Variants in TNPO3 observed in about 807,000 individuals in gnomAD.
The protein encoded by TNPO3 is transportin 3.
TNPO3 carries 65 observed loss-of-function variants against 122.8 expected under a neutral mutation model. That is an observed-to-expected ratio of 0.53 (90% CI 0.43 to 0.65). The LOEUF (loss-of-function observed/expected upper bound fraction) is 0.65, where lower values mean the gene tolerates loss of function less well. TNPO3 is among the 30% of genes least tolerant of loss of function. The pLI, the probability that TNPO3 is intolerant of heterozygous loss-of-function variation, is 0.00. For missense variants in TNPO3, 850 were observed against 1,136.7 expected (o/e 0.75, Z 3.63); for synonymous variants, 372 against 411.2 (o/e 0.90, Z 1.15).
Position 128,979,139 on chromosome 7 carries a change from AAG to A in TNPO3, c.1921-18_1921-17del. ...CTGGCCATATCTGGGTCAAAAGTAA[AAG>A]AGCACAAGAAAGAAAATAATCAACA... is the stretch of plus-strand genomic sequence containing the variant. On this transcript the variant is annotated splice_polypyrimidine_tract_variant and intron_variant, in intron 15 of 22. Coordinates refer to ENST00000265388, the MANE Select transcript of TNPO3 (RefSeq NM_012470.4). 6.2e-7 allele frequency: 1 copy of A among 1,613,178 alleles called. No homozygotes were observed. The highest frequency in any genetic ancestry group is 1.3e-5 in the African/African-American group (1 of 74,998).
intron 1 of TNPO3, among the ~76,000 whole-genome samples, chr7:129,053,633 G>A (rs554634189): frequency 6.6e-6 from 1 of 151,984 alleles, no homozygotes; most frequent in South Asian, 2.1e-4. Flanking sequence ...TTAAGTATCA[G>A]TTATGAGTTA....
intron 12 of TNPO3, among the ~76,000 whole-genome samples, chr7:128,984,710 T>A (rs1799969141): frequency 6.6e-6 from 1 of 152,210 alleles, no homozygotes; most frequent in South Asian, 2.1e-4. Flanking sequence ...GATTTCACTC[T>A]TACACCATAA....
chr7:129,005,782 CT>C lies in TNPO3; in HGVS notation c.553-624del, dbSNP rs1186834521. Among the ~76,000 whole-genome samples the C allele has an allele frequency of 9.9e-3, 1,304 of 132,234 alleles. 10 individuals are homozygous for C. Among genetic ancestry groups the C allele is most frequent in the African/African-American group, 0.031 (1,146 of 36,464 alleles). 86.8% of individuals were successfully genotyped at this position (132,234 alleles called of 152,430 possible). ...CAGTTTCAGGTATTTCTTTTCTTTT[CT>C]TTTTTTTTTTTTTTTTGAGATGGAG... On this transcript the variant is annotated intron_variant, in intron 4 of 22. Transcript: ENST00000265388.
Position 128,974,971 on chromosome 7 carries a change from A to C in TNPO3, c.2179-9T>G, listed in dbSNP as rs1322510995. The C allele has an allele frequency of 1.2e-6, 2 of 1,610,654 alleles. No homozygotes were observed. The highest frequency in any genetic ancestry group is 1.1e-5 in the South Asian group (1 of 90,910). ...GTGGGGATGCACAGTGCCTAAAACA[A>C]AACAGTGATTTTAAAAGAAATGCTT... On this transcript the variant is annotated splice_polypyrimidine_tract_variant and intron_variant, in intron 17 of 22. Transcript: ENST00000265388.
chr7:128,997,315 T>C (rs1801438526), intron 8 of TNPO3, 74 bp downstream of exon 8: 1 of 1,556,412 alleles, frequency 6.4e-7, no homozygotes, highest in South Asian at 1.2e-5. Context: ...TTATCTATCT[T>C]CTCAGTTCCT....
At chr7:129,054,305 A>T (rs1005657474) in intron 1 of TNPO3, among the ~76,000 whole-genome samples, 1 of 152,170 alleles carries the variant, frequency 6.6e-6, no homozygotes, top group African/African-American at 2.4e-5. Flanking sequence ...GTGGAGAAAC[A>T]CTGGGGTTGG....
At chr7:128,998,850 T>G (rs1388958813) in intron 7 of TNPO3, among the ~76,000 whole-genome samples, 1 of 150,196 alleles carries the variant, frequency 6.7e-6, no homozygotes, top group East Asian at 2.0e-4. Context: ...AGTCTTTTTA[T>G]TTTTATTTAT....
chr7:129,035,119 A>G (rs1223671144), intron 1 of TNPO3, among the ~76,000 whole-genome samples: 1 of 150,796 alleles, frequency 6.6e-6, no homozygotes, highest in Non-Finnish European at 1.5e-5. Flanking sequence ...CTAAAAATAC[A>G]AAAAATTAGC....
intron 7 of TNPO3, among the ~76,000 whole-genome samples, chr7:128,998,665 G>C (rs1276618397): frequency 6.6e-6 from 1 of 151,684 alleles, no homozygotes; most frequent in Non-Finnish European, 1.5e-5. Flanking sequence ...TGGGATGAAA[G>C]GTGTGCACCA....
At chr7:129,028,079 A>C (rs1192165093) in intron 1 of TNPO3, among the ~76,000 whole-genome samples, 1 of 152,204 alleles carries the variant, frequency 6.6e-6, no homozygotes, top group Non-Finnish European at 1.5e-5. Context: ...ACATACTCAA[A>C]AAACCAATGG....
intron 4 of TNPO3, among the ~76,000 whole-genome samples, chr7:129,014,658 C>G (rs1803627171): frequency 6.6e-6 from 1 of 152,090 alleles, no homozygotes; most frequent in Non-Finnish European, 1.5e-5. Context: ...TAACAGCCAA[C>G]AGTTTGGAGC....
Position 129,055,001 on chromosome 7 carries a change from T to C in TNPO3, c.-231A>G, listed in dbSNP as rs1809320476. 1 of 534,708 alleles carries C rather than the reference T, an allele frequency of 1.9e-6. No individual in the cohort carries two copies. The highest frequency in any genetic ancestry group is 1.9e-5 in the African/African-American group (1 of 52,416). 33.1% of individuals were successfully genotyped at this position (534,708 alleles called of 1,614,324 possible). On this transcript the variant is annotated 5_prime_UTR_variant, in exon 1 of 23. Coordinates refer to ENST00000265388, the MANE Select transcript of TNPO3 (RefSeq NM_012470.4). ...TGGCCTTTTTTCCGGTTTTTCCACT[T>C]GATTCTAGACTCTTGAGTCCACAGA... is the stretch of plus-strand genomic sequence containing the variant.
intron 6 of TNPO3, 113 bp downstream of exon 6, chr7:129,000,946 T>G: frequency 3.1e-6 from 4 of 1,286,232 alleles, no homozygotes; most frequent in Non-Finnish European, 4.4e-6. Context: ...GCACTATCTG[T>G]ACTTTACAGA....
intron 1 of TNPO3, among the ~76,000 whole-genome samples, chr7:129,031,519 A>G (rs150970128): frequency 3.9e-5 from 6 of 152,326 alleles, no homozygotes; most frequent in Admixed American, 3.9e-4. Context: ...ATCTGAACAG[A>G]CCTATAACTT....
chr7:129,037,096 G>A (rs137902737), intron 1 of TNPO3, among the ~76,000 whole-genome samples: 255 of 152,322 alleles, frequency 1.7e-3, no homozygotes, highest in Non-Finnish European at 3.0e-3. Context: ...TGGAAAAGCA[G>A]TGAAGTATAT....
chr7:128,974,937 A>T lies in TNPO3; in HGVS notation c.2204T>A (p.Leu735His). Residue 735 changes from leucine (L) to histidine (H), a missense_variant, in exon 18 of 23, where the codon CTC becomes CAC. Coordinates refer to ENST00000265388, the MANE Select transcript of TNPO3 (RefSeq NM_012470.4). ...LQALCIPTFQ[L>H]LEQQNGLQNH... ...CTGGAGACCATTCTGCTGTTCTAGG[A>T]GCTGAAAGGTGGGGATGCACAGTGC... The T allele has an allele frequency of 6.2e-7, 1 of 1,614,214 alleles. No individual in the cohort carries two copies. Among genetic ancestry groups the T allele is most frequent in the East Asian group, 2.2e-5 (1 of 44,882 alleles).
chr7:129,022,787 T>G (rs1442466100), intron 1 of TNPO3, among the ~76,000 whole-genome samples: 2 of 152,164 alleles, frequency 1.3e-5, no homozygotes, highest in Non-Finnish European at 2.9e-5. Context: ...TCAAACCGAT[T>G]TTCAATTATA....
chr7:128,980,615 G>A (rs1799531473), intron 14 of TNPO3, among the ~76,000 whole-genome samples: 1 of 150,810 alleles, frequency 6.6e-6, no homozygotes, highest in Non-Finnish European at 1.5e-5. Context: ...ACTTGAACGT[G>A]GGAGGCAGTG....
chr7:128,968,939 T>C (rs1798188297), intron 20 of TNPO3, among the ~76,000 whole-genome samples: 1 of 151,704 alleles, frequency 6.6e-6, no homozygotes, highest in South Asian at 2.1e-4. Flanking sequence ...CCCAGGCTGG[T>C]AGTCTCAAGC....
Sources: gnomAD v4.1 joint callset for allele counts (sites outside exome capture counted in the v4.1 genomes callset) on GRCh38, gnomAD v4.1.1 for gene constraint, MANE v1.5 for transcripts, NCBI Gene and HGNC (gene_info 2026-07-23, HGNC 2026-07-21) for gene names.